OR4C11: variants seen among roughly 807,000 people sequenced by gnomAD.
The protein encoded by OR4C11 is olfactory receptor family 4 subfamily C member 11.
A neutral mutation model predicts 14.7 loss-of-function variants in OR4C11; 15 were observed. The observed-to-expected ratio is 1.02, with a 90% CI of 0.68 to 1.58. The LOEUF is 1.58. OR4C11 is among the 40% of genes most tolerant of loss of function. The pLI, the probability that OR4C11 is intolerant of heterozygous loss-of-function variation, is 0.00. For synonymous variants in OR4C11, 146 were observed against 135.0 expected, an observed-to-expected ratio of 1.08 and a Z score of -0.57; for missense variants, 473 against 383.0, an observed-to-expected ratio of 1.24 and a Z score of -1.96.
intron 1 of OR4C11, among the ~76,000 whole-genome samples, chr11:55,606,946 C>A (rs2120126635): frequency 7.2e-6 from 1 of 138,356 alleles, no homozygotes; most frequent in African/African-American, 2.5e-5. Context: ...GTATTTTTAT[C>A]TGTTCACTGC....
In OR4C11 at chr11:55,603,781, A is replaced by G. The variant is rs775977848; in HGVS notation, c.593T>C (p.Val198Ala). The stretch of plus-strand genomic sequence containing the variant: ...TGAGCAAATTGCCCCACTGTTAGAC[A>G]CCAACAGCAGGTTGATCATGTAAGT... ...MDTYMINLLL[V>A]SNSGAICSSS... The change falls in exon 4 of 4, where the codon GTG becomes GCG. Residue 198 changes from valine (V) to alanine (A), a missense_variant. Physicochemically the swap from Val to Ala is moderately conservative, Grantham distance 64. Transcript: ENST00000641580. 2 of 1,486,708 alleles carry G rather than the reference A, an allele frequency of 1.3e-6. 1 individual carries two copies. The highest frequency in any genetic ancestry group is 2.4e-5 in the South Asian group (2 of 84,690). The allele number at this position is 1,486,708 out of a possible 1,614,324, so 92.1% of individuals were successfully genotyped here. A position where few individuals can be genotyped will look rare whatever the true frequency, so the allele number is the denominator to read the frequency against.
rs1263902770 is a variant in OR4C11 at position 55,602,642 on chromosome 11, T to C, written c.*799A>G. 2.9e-5 allele frequency: 4 copies of C among 138,724 alleles called. No homozygotes were observed. Among genetic ancestry groups the C allele is most frequent in the Non-Finnish European group, 6.4e-5 (4 of 62,282 alleles). 8.6% of individuals were successfully genotyped at this position (138,724 alleles called of 1,614,324 possible). A position where few individuals can be genotyped will look rare whatever the true frequency, so the allele number is the denominator to read the frequency against. On this transcript the variant is annotated 3_prime_UTR_variant, in exon 4 of 4. Transcript: ENST00000641580. ...TTTCTGAATTCCTGTGATAATTTTA[T>C]TTATTTCATTGACATCACCCAACTT...
At chr11:55,604,571 C>T (rs12790213) in intron 3 of OR4C11, among the ~76,000 whole-genome samples, 154 bp from the exon 4 acceptor site, 14,230 of 136,990 alleles carry the variant, frequency 0.1, 3,242 homozygotes, top group Middle Eastern at 0.2. Flanking sequence ...ATATATTTAC[C>T]AAAATATTAT....
In OR4C11 at chr11:55,603,643, A is replaced by G. The variant is rs755914986; in HGVS notation, c.731T>C (p.Val244Ala). 2 of 1,485,336 alleles carry G rather than the reference A, an allele frequency of 1.3e-6. No individual in the cohort carries two copies. Among genetic ancestry groups the G allele is most frequent in the Non-Finnish European group, 1.8e-6 (2 of 1,091,070 alleles). The allele number at this position is 1,485,336 out of a possible 1,614,324, so 92.0% of individuals were successfully genotyped here. Reference sequence around the variant, plus strand: ...ACATGGGCCAAAGAATAAGATGACTACAATTATGTGAGACGTGCAAGCGGA... The same window carrying G: ...ACATGGGCCAAAGAATAAGATGACTGCAATTATGTGAGACGTGCAAGCGGA... ...ALSACTSHII[V>A]VILFFGPCIF... The change falls in exon 4 of 4, where the codon GTA becomes GCA. Residue 244 changes from valine to alanine, a missense_variant. By Grantham distance (64) the Val-to-Ala change is moderately conservative. Coordinates refer to ENST00000641580, the MANE Select transcript of OR4C11 (RefSeq NM_001004700.3).
rs1367592541 is a variant in OR4C11 at position 55,604,575 on chromosome 11, A to ATATTAT, written c.-44-164_-44-159dup. 6.5e-5 allele frequency among the ~76,000 whole-genome samples: 9 copies of ATATTAT among 138,318 alleles called. 1 individual carries two copies. Among genetic ancestry groups the ATATTAT allele is most frequent in the Non-Finnish European group, 1.4e-4 (9 of 62,252 alleles). The allele number at this position is 138,318 out of a possible 152,430, so 90.7% of individuals were successfully genotyped here. A position where few individuals can be genotyped will look rare whatever the true frequency, so the allele number is the denominator to read the frequency against. On this transcript the variant is annotated intron_variant, in intron 3 of 3. Transcript: ENST00000641580. ...GTAACTATTCAATATATTTACCAAA[A>ATATTAT]TATTATTATTATTATTTTTGAAACA...
At position 55,603,916 on chromosome 11, in the gene OR4C11, T is replaced by C. The variant is rs1471765634; in HGVS notation, c.458A>G (p.His153Arg). The C allele has an allele frequency of 7.4e-6, 11 of 1,482,358 alleles. 2 individuals are homozygous for C. The East Asian group carries it at 2.8e-4, about 38-fold the overall frequency. The allele number at this position is 1,482,358 out of a possible 1,614,324, so 91.8% of individuals were successfully genotyped here. The change falls in exon 4 of 4, where the codon CAC becomes CGC. Residue 153 changes from histidine (H) to arginine (R), a missense_variant. His to Arg is a conservative substitution (Grantham distance 29, BLOSUM62 0). Transcript: ENST00000641580. ...IVLAWIGSLI[H>R]STAQIILALR... ...GGCCAGGATAATCTGAGCTGTAGAGTGTATTAAAGACCCTATCCAGGCAAG... is the reference window on the plus strand; with the variant it reads ...GGCCAGGATAATCTGAGCTGTAGAGCGTATTAAAGACCCTATCCAGGCAAG...
rs1351470771 is a variant in OR4C11, at chr11:55,604,491, T to C, written c.-44-74A>G. 1.1e-5 allele frequency: 5 copies of C among 454,138 alleles called. 1 individual carries two copies. Among genetic ancestry groups the C allele is most frequent in the Admixed American group, 4.5e-5 (1 of 22,418 alleles). 28.1% of individuals were successfully genotyped at this position (454,138 alleles called of 1,614,324 possible). A position where few individuals can be genotyped will look rare whatever the true frequency, so the allele number is the denominator to read the frequency against. On this transcript the variant is annotated intron_variant, in intron 3 of 3. Coordinates refer to ENST00000641580, the MANE Select transcript of OR4C11 (RefSeq NM_001004700.3). ...TATTCTTGCAATGAAATTGCAACTT[T>C]CCAATGGCTTATTATTGACAATTCT...
At position 55,603,842 on chromosome 11, in the gene OR4C11, C is replaced by T. The variant is rs1366840633; in HGVS notation, c.532G>A (p.Asp178Asn). 5 of 1,492,120 alleles carry T rather than the reference C, an allele frequency of 3.4e-6. 2 individuals carry two copies. Among genetic ancestry groups the T allele is most frequent in the Non-Finnish European group, 4.6e-6 (5 of 1,097,422 alleles). The allele number at this position is 1,492,120 out of a possible 1,614,324, so 92.4% of individuals were successfully genotyped here. Residue 178 changes from aspartate (D) to asparagine (N), a missense_variant, in exon 4 of 4, where the codon GAT becomes AAT. By Grantham distance (23) the Asp-to-Asn change is conservative. Coordinates refer to ENST00000641580, the MANE Select transcript of OR4C11 (RefSeq NM_001004700.3). ...GPYLIDHYCCDLQPLLKLACM... is the reference protein window; with the variant it reads ...GPYLIDHYCCNLQPLLKLACM... ...GCAAGTTTCAACAAGGGCTGCAAAT[C>T]ACAGCAATAATGATCAATCAAATAG...
In OR4C11 at chr11:55,603,383, A is replaced by G. The variant is rs1173646531; in HGVS notation, c.*58T>C. 3 of 866,574 alleles carry G rather than the reference A, an allele frequency of 3.5e-6. 1 individual carries two copies. The highest frequency in any genetic ancestry group is 5.9e-5 in the East Asian group (2 of 34,164). 53.7% of individuals were successfully genotyped at this position (866,574 alleles called of 1,614,324 possible). A position where few individuals can be genotyped will look rare whatever the true frequency, so the allele number is the denominator to read the frequency against. On this transcript the variant is annotated 3_prime_UTR_variant, in exon 4 of 4. Transcript: ENST00000641580. Reference sequence around the variant, plus strand: ...TCAGGTACTTTCCTATTTGCTGTCTATACTTACTCTGTTAAATCATGATTT... The same window carrying G: ...TCAGGTACTTTCCTATTTGCTGTCTGTACTTACTCTGTTAAATCATGATTT...
In OR4C11 at chr11:55,604,127, C is replaced by A; in HGVS notation, c.247G>T (p.Ala83Ser). 6.8e-7 allele frequency: 1 copy of A among 1,471,908 alleles called. No individual in the cohort carries two copies. The highest frequency in any genetic ancestry group is 1.4e-5 in the African/African-American group (1 of 72,618). The allele number at this position is 1,471,908 out of a possible 1,614,324, so 91.2% of individuals were successfully genotyped here. A position where few individuals can be genotyped will look rare whatever the true frequency, so the allele number is the denominator to read the frequency against. ...GTTATAATTTTCTTTTCAGAGAGAG[C>A]ATCCACAATTAATCTAGGGGCTGTG... is the stretch of plus-strand genomic sequence containing the variant. ...TSTAPRLIVD[A>S]LSEKKIITYN... Residue 83 changes from alanine (A) to serine (S), a missense_variant, in exon 4 of 4, where the codon GCT (alanine) becomes TCT (serine). Physicochemically the swap from Ala to Ser is moderately conservative, Grantham distance 99. Transcript: ENST00000641580.
Position 55,603,818 on chromosome 11 carries a change from C to T in OR4C11, c.556G>A (p.Ala186Thr). ...CCDLQPLLKL[A>T]CMDTYMINLL... Reference sequence around the variant, plus strand: ...TTGATCATGTAAGTGTCCATGCAGGCAAGTTTCAACAAGGGCTGCAAATCA... The same window carrying T: ...TTGATCATGTAAGTGTCCATGCAGGTAAGTTTCAACAAGGGCTGCAAATCA... The change falls in exon 4 of 4, where the codon GCC (alanine) becomes ACC (threonine). Residue 186 changes from alanine (A) to threonine (T), a missense_variant. Transcript: ENST00000641580. 1.3e-6 allele frequency: 2 copies of T among 1,490,162 alleles called. No individual in the cohort carries two copies. The highest frequency in any genetic ancestry group is 1.8e-6 in the Non-Finnish European group (2 of 1,095,808). The allele number at this position is 1,490,162 out of a possible 1,614,324, so 92.3% of individuals were successfully genotyped here.
rs147652096 is a variant in OR4C11, at chr11:55,604,521, A to AT, written c.-44-105dup. ...TGGCTTATTATTGACAATTCTTTGTATTTTTTTCTGAGTGAAATGGAATTC... is the reference window on the plus strand; with the variant it reads ...TGGCTTATTATTGACAATTCTTTGTATTTTTTTTCTGAGTGAAATGGAATTC... On this transcript the variant is annotated intron_variant, in intron 3 of 3. Coordinates refer to ENST00000641580, the MANE Select transcript of OR4C11 (RefSeq NM_001004700.3). 4.2e-5 allele frequency: 17 copies of AT among 400,678 alleles called. 2 individuals carry two copies. In the South Asian group the frequency reaches 9.8e-4, roughly 23 times the overall value. 24.8% of individuals were successfully genotyped at this position (400,678 alleles called of 1,614,324 possible).
chr11:55,603,411 C>T lies in OR4C11; in HGVS notation c.*30G>A, dbSNP rs756564820. ...CTTACTCTGTTAAATCATGATTTGA[C>T]TGAAAAAGTAATCAGGTCAGGCCCT... is the stretch of plus-strand genomic sequence containing the variant. On this transcript the variant is annotated 3_prime_UTR_variant, in exon 4 of 4. Coordinates refer to ENST00000641580, the MANE Select transcript of OR4C11 (RefSeq NM_001004700.3). 1.8e-6 allele frequency: 2 copies of T among 1,089,314 alleles called. No individual in the cohort carries two copies. The highest frequency in any genetic ancestry group is 3.1e-5 in the African/African-American group (2 of 65,568). The allele number at this position is 1,089,314 out of a possible 1,614,324, so 67.5% of individuals were successfully genotyped here. A position where few individuals can be genotyped will look rare whatever the true frequency, so the allele number is the denominator to read the frequency against.
Position 55,604,084 on chromosome 11 carries a change from G to T in OR4C11, c.290C>A (p.Thr97Lys). The stretch of plus-strand genomic sequence containing the variant: ...AAATAAATGTAGTGCAAAGACTTGT[G>T]TCATGCACTCATTGTAGGTTATAAT... ...KKIITYNECM[T>K]QVFALHLFGC... Residue 97 changes from threonine (T) to lysine (K), a missense_variant, in exon 4 of 4, where the codon ACA becomes AAA. By Grantham distance (78) the Thr-to-Lys change is moderately conservative (BLOSUM62 -1). Transcript: ENST00000641580. The T allele has an allele frequency of 1.3e-6, 2 of 1,484,860 alleles. 1 individual carries two copies. Among genetic ancestry groups the T allele is most frequent in the Non-Finnish European group, 1.8e-6 (2 of 1,090,460 alleles). The allele number at this position is 1,484,860 out of a possible 1,614,324, so 92.0% of individuals were successfully genotyped here.
rs1857908890 is a variant in OR4C11, at chr11:55,603,395, T to C, written c.*46A>G. 1 of 964,970 alleles carries C rather than the reference T, an allele frequency of 1.0e-6. No homozygotes were observed. Among genetic ancestry groups the C allele is most frequent in the East Asian group, 2.9e-5 (1 of 35,064 alleles). The allele number at this position is 964,970 out of a possible 1,614,324, so 59.8% of individuals were successfully genotyped here. On this transcript the variant is annotated 3_prime_UTR_variant, in exon 4 of 4. Coordinates refer to ENST00000641580, the MANE Select transcript of OR4C11 (RefSeq NM_001004700.3). ...CTATTTGCTGTCTATACTTACTCTG[T>C]TAAATCATGATTTGACTGAAAAAGT...
In OR4C11 at chr11:55,606,927, TAAG is replaced by T. The variant is rs1345930506; in HGVS notation, c.-364-251_-364-249del. 1.4e-5 allele frequency among the ~76,000 whole-genome samples: 2 copies of T among 138,396 alleles called. 1 individual carries two copies. The allele number at this position is 138,396 out of a possible 152,430, so 90.8% of individuals were successfully genotyped here. Reference sequence around the variant, plus strand: ...TACTATACATTAGAATGAAGCAACATAAGAAAGGGTATTTTTATCTGTTCACTG... The same window carrying T: ...TACTATACATTAGAATGAAGCAACATAAAGGGTATTTTTATCTGTTCACTG... On this transcript the variant is annotated intron_variant, in intron 1 of 3. Transcript: ENST00000641580.
chr11:55,605,697 A>T (rs1857951796), intron 2 of OR4C11, among the ~76,000 whole-genome samples: 1 of 138,498 alleles, frequency 7.2e-6, no homozygotes, highest in Non-Finnish European at 1.6e-5. Flanking sequence ...TCTGAAAAAT[A>T]TGACACAAAT....
rs144808796 is a variant in OR4C11, at chr11:55,604,156, G to A, written c.218C>T (p.Thr73Ile). 2.7e-6 allele frequency: 4 copies of A among 1,469,354 alleles called. 1 individual carries two copies. The South Asian group carries it at 3.6e-5, about 13-fold the overall frequency. 91.0% of individuals were successfully genotyped at this position (1,469,354 alleles called of 1,614,324 possible). A position where few individuals can be genotyped will look rare whatever the true frequency, so the allele number is the denominator to read the frequency against. The change falls in exon 4 of 4, where the codon ACT (threonine) becomes ATT (isoleucine). Residue 73 changes from threonine to isoleucine, a missense_variant. By Grantham distance (89) the Thr-to-Ile change is moderately conservative. Transcript: ENST00000641580. ...YLSFADSCFS[T>I]STAPRLIVDA... ...CACAATTAATCTAGGGGCTGTGGAAGTTGAAAAGCAAGAATCTGCAAAGGA... is the reference window on the plus strand; with the variant it reads ...CACAATTAATCTAGGGGCTGTGGAAATTGAAAAGCAAGAATCTGCAAAGGA...
In OR4C11 at chr11:55,605,804, A is replaced by G. The variant is rs2120124512; in HGVS notation, c.-206-517T>C. ...TGCTCAATTTCTTTCATAGTTAAAT[A>G]CATTCAAGTTAAAATTCCAGTTAGA... On this transcript the variant is annotated intron_variant, in intron 2 of 3. Transcript: ENST00000641580. Among the ~76,000 whole-genome samples the G allele has an allele frequency of 1.4e-5, 2 of 138,814 alleles. 1 individual carries two copies. Among genetic ancestry groups the G allele is most frequent in the African/African-American group, 5.0e-5 (2 of 40,142 alleles). The allele number at this position is 138,814 out of a possible 152,430, so 91.1% of individuals were successfully genotyped here.
Sources: gnomAD v4.1 joint callset for allele counts (sites outside exome capture counted in the v4.1 genomes callset) on GRCh38, gnomAD v4.1.1 for gene constraint, MANE v1.5 for transcripts, NCBI Gene and HGNC (gene_info 2026-07-23, HGNC 2026-07-21) for gene names.